COL13A1: variants seen among roughly 807,000 people sequenced by gnomAD.
COL13A1 encodes collagen alpha-1(XIII) chain.
COL13A1 carries 89 observed loss-of-function variants against 130.9 expected under a neutral mutation model. The observed-to-expected ratio is 0.68, with a 90% confidence interval of 0.57 to 0.81. COL13A1 has a LOEUF of 0.81. Among genes scored for constraint, COL13A1 ranks in the 30% least tolerant of loss-of-function variants. The probability of loss-of-function intolerance (pLI) is 0.00; values close to 1 mark genes in which losing one functional copy is unlikely to be tolerated. For synonymous variants in COL13A1, 402 were observed against 341.6 expected (o/e 1.18, Z -1.95); for missense variants, 879 against 934.6 (o/e 0.94, Z 0.78).
Position 69,822,389 on chromosome 10 carries a change from G to T in COL13A1, c.315G>T (p.Arg105Ser). The part of the protein sequence containing the change: ...LLDEKWKLHS[R>S]RRREAPKTSP... ...TACAGAAATGGAAGCTCCACTCAAG[G>T]AGGCGCCGGGAGGCCCCAAAGACAT... Residue 105 changes from arginine (R) to serine (S), a missense_variant, in exon 2 of 41, where the codon AGG becomes AGT. Physicochemically the swap from Arg to Ser is moderately radical, Grantham distance 110. This residue lies in a region of COL13A1 where 715 missense variants were observed against 721.0 expected (regional missense o/e 0.99). Coordinates refer to ENST00000645393, the MANE Select transcript of COL13A1 (RefSeq NM_001368882.1). 6.3e-7 allele frequency: 1 copy of T among 1,590,934 alleles called. No homozygotes were observed. Among genetic ancestry groups the T allele is most frequent in the Non-Finnish European group, 8.6e-7 (1 of 1,168,840 alleles).
Position 69,918,992 on chromosome 10 carries a change from C to A in COL13A1, c.1000-70C>A. 2.5e-6 allele frequency: 4 copies of A among 1,601,516 alleles called. No homozygotes were observed. The South Asian group carries it at 4.4e-5, about 18-fold the overall frequency. The stretch of plus-strand genomic sequence containing the variant: ...CTGACTGCCCCCAACCCCACCTCCA[C>A]CAACAGGTGCCTTGCTCATTTGTTT... On this transcript the variant is annotated intron_variant, in intron 19 of 40. Coordinates refer to ENST00000645393, the MANE Select transcript of COL13A1 (RefSeq NM_001368882.1).
chr10:69,940,722 A>G lies in COL13A1; in HGVS notation c.1879-266A>G, dbSNP rs150265531. Reference sequence around the variant, plus strand: ...AGGGAGAGAGGAGAAGGGGGGCGGGAGGAGCAGGTGGCCATCTGCGCCGAC... The same window carrying G: ...AGGGAGAGAGGAGAAGGGGGGCGGGGGGAGCAGGTGGCCATCTGCGCCGAC... On this transcript the variant is annotated intron_variant, in intron 34 of 40. Coordinates refer to ENST00000645393, the MANE Select transcript of COL13A1 (RefSeq NM_001368882.1). 5.2e-3 allele frequency among the ~76,000 whole-genome samples: 799 copies of G among 152,232 alleles called. 3 individuals are homozygous for G. The highest frequency in any genetic ancestry group is 0.019 in the African/African-American group (769 of 41,520).
intron 2 of COL13A1, among the ~76,000 whole-genome samples, chr10:69,833,021 G>A (rs1225213635): frequency 6.6e-6 from 1 of 152,190 alleles, no homozygotes; most frequent in East Asian, 1.9e-4. Context: ...GTGCCTCGAA[G>A]GTAGACCGCA....
At chr10:69,865,827 G>A (rs184138733) in intron 2 of COL13A1, among the ~76,000 whole-genome samples, 10 of 152,130 alleles carry the variant, frequency 6.6e-5, no homozygotes, top group Admixed American at 2.0e-4. Flanking sequence ...ATTGCAGGGT[G>A]GGGGGTAGGT....
At chr10:69,956,472 C>G (rs2070718421) in intron 39 of COL13A1, 2 of 155,222 alleles carry the variant, frequency 1.3e-5, no homozygotes, top group African/African-American at 4.8e-5. Flanking sequence ...GTTGCCTGTC[C>G]CTTCATGCCC....
chr10:69,829,996 C>T (rs1354256195), intron 2 of COL13A1, among the ~76,000 whole-genome samples: 3 of 152,112 alleles, frequency 2.0e-5, no homozygotes, highest in East Asian at 1.9e-4. Flanking sequence ...CTGGGGTGGT[C>T]GGCTGAGATT....
chr10:69,939,082 C>A (rs376104121), intron 34 of COL13A1, among the ~76,000 whole-genome samples: 11 of 152,328 alleles, frequency 7.2e-5, no homozygotes, highest in African/African-American at 2.2e-4. Flanking sequence ...AATTTTCTCA[C>A]TTTTGATAGA....
At chr10:69,944,661 T>TAAA (rs111975487) in intron 36 of COL13A1, among the ~76,000 whole-genome samples, 10 of 82,336 alleles carry the variant, frequency 1.2e-4, no homozygotes, top group African/African-American at 3.8e-4. Context: ...CTTATCTCTA[T>TAAA]AAAAAAAAAA....
At chr10:69,928,488 G>A (rs189697328) in intron 27 of COL13A1, among the ~76,000 whole-genome samples, 2 of 152,328 alleles carry the variant, frequency 1.3e-5, no homozygotes, top group East Asian at 3.9e-4. Context: ...CTGCTCAGCA[G>A]AATGTGTTTG....
chr10:69,944,910 AG>A (rs1220352309), intron 36 of COL13A1, among the ~76,000 whole-genome samples: 1 of 152,220 alleles, frequency 6.6e-6, no homozygotes, highest in Non-Finnish European at 1.5e-5. Context: ...CGAGGACAGC[AG>A]GAAGTCAGGA....
intron 2 of COL13A1, among the ~76,000 whole-genome samples, chr10:69,847,327 C>G (rs1016214197): frequency 6.6e-6 from 1 of 152,194 alleles, no homozygotes; most frequent in Non-Finnish European, 1.5e-5. Context: ...GACCGCCATA[C>G]CATTCTGTCT....
chr10:69,930,238 C>T (rs1193183256), intron 29 of COL13A1, among the ~76,000 whole-genome samples, 151 bp downstream of exon 29: 1 of 152,090 alleles, frequency 6.6e-6, no homozygotes, highest in African/African-American at 2.4e-5. Context: ...GGGGCCCACC[C>T]TGCAAGCCCC....
At chr10:69,923,715 G>T in intron 23 of COL13A1, 87 bp from the exon 24 acceptor site, 6 of 1,509,306 alleles carry the variant, frequency 4.0e-6, no homozygotes, top group Non-Finnish European at 5.4e-6. Context: ...CAACATCTAG[G>T]CATGAGCGGC....
At chr10:69,956,642 T>G (rs1241832756) in intron 39 of COL13A1, 2 of 224,424 alleles carry the variant, frequency 8.9e-6, no homozygotes, top group African/African-American at 4.4e-5. Flanking sequence ...AGGAGGAAAC[T>G]GAGGCCGCCT....
rs11817414 is a variant in COL13A1 at position 69,921,817 on chromosome 10, G to A, written c.1090-65G>A. The A allele has an allele frequency of 1.3e-3, 1,997 of 1,558,684 alleles. 1 individual carries two copies. Among genetic ancestry groups the A allele is most frequent in the Admixed American group, 2.2e-3 (118 of 52,782 alleles). ...AGGCAAGGCCCTAAGCTGTGGAGCT[G>A]GTGGCTTCCCAAACCTGCTGCAGAA... On this transcript the variant is annotated intron_variant, in intron 21 of 40. Transcript: ENST00000645393.
Position 69,925,292 on chromosome 10 carries a change from G to A in COL13A1, c.1329+285G>A, listed in dbSNP as rs75174549. 3.5e-3 allele frequency among the ~76,000 whole-genome samples: 534 copies of A among 152,360 alleles called. 4 individuals are homozygous for A. The highest frequency in any genetic ancestry group is 0.012 in the African/African-American group (509 of 41,582). On this transcript the variant is annotated intron_variant, in intron 25 of 40. Coordinates refer to ENST00000645393, the MANE Select transcript of COL13A1 (RefSeq NM_001368882.1). Reference sequence around the variant, plus strand: ...TGATTATGTATTAGTCTCACGCTCAGTAAATCGGCACTTTATGTAAGCTGT... The same window carrying A: ...TGATTATGTATTAGTCTCACGCTCAATAAATCGGCACTTTATGTAAGCTGT...
At chr10:69,935,085 T>G (rs1281079790) in intron 31 of COL13A1, among the ~76,000 whole-genome samples, 1 of 152,076 alleles carries the variant, frequency 6.6e-6, no homozygotes, top group Non-Finnish European at 1.5e-5. Flanking sequence ...TTTGTTTTTT[T>G]TTTTCCAAGA....
intron 1 of COL13A1, among the ~76,000 whole-genome samples, chr10:69,803,142 C>T (rs765835259): frequency 2.4e-4 from 36 of 152,318 alleles, no homozygotes; most frequent in Non-Finnish European, 4.7e-4. Flanking sequence ...GCCCCCATGG[C>T]CCTCCCCCTC....
chr10:69,886,025 G>A (rs1400271718), intron 7 of COL13A1, among the ~76,000 whole-genome samples: 3 of 152,154 alleles, frequency 2.0e-5, no homozygotes, highest in Non-Finnish European at 2.9e-5. Context: ...ACTTATATTC[G>A]TGGCTTCAGG....
Sources: allele counts gnomAD v4.1 joint callset (sites outside exome capture counted in the v4.1 genomes callset), GRCh38; gene constraint gnomAD v4.1.1; regional missense constraint gnomAD v4.1.1; transcripts MANE v1.5; gene names NCBI Gene and HGNC (gene_info 2026-07-23, HGNC 2026-07-21).